DLGAP2: variants seen among roughly 807,000 people sequenced by gnomAD.
DLGAP2 encodes the protein disks large-associated protein 2.
A neutral mutation model predicts 100.3 loss-of-function variants in DLGAP2; 26 were observed. That is an observed-to-expected ratio of 0.26 (90% CI 0.19 to 0.36). The LOEUF (loss-of-function observed/expected upper bound fraction) is 0.36. Among genes scored for constraint, DLGAP2 ranks in the 10% least tolerant of loss-of-function variants. The probability of loss-of-function intolerance (pLI) is 1.00; values close to 1 mark genes in which losing one functional copy is unlikely to be tolerated. For missense variants in DLGAP2, 1,858 were observed against 1,453.2 expected (o/e 1.28, Z -4.53); for synonymous variants, 886 against 630.1 (o/e 1.41, Z -6.08).
At chr8:770,983 T>G (rs74892975) in intron 1 of DLGAP2, among the ~76,000 whole-genome samples, 4,769 of 152,152 alleles carry the variant, frequency 0.031, 121 homozygotes, top group South Asian at 0.076. Context: ...TTTAAAATAT[T>G]ACTGCTAGAT....
At chr8:757,074 C>T (rs989748319) in intron 1 of DLGAP2, among the ~76,000 whole-genome samples, 4 of 152,200 alleles carry the variant, frequency 2.6e-5, no homozygotes, top group Non-Finnish European at 5.9e-5. Flanking sequence ...GGCCTTTGCA[C>T]ATGCTGCACC....
intron 2 of DLGAP2, among the ~76,000 whole-genome samples, chr8:1,023,766 G>A (rs930689143): frequency 2.6e-5 from 4 of 151,926 alleles, no homozygotes; most frequent in Admixed American, 6.6e-5. Flanking sequence ...ATTCTGCAGC[G>A]AGATGGGGCA....
chr8:1,412,958 C>G (rs533893985), intron 3 of DLGAP2, among the ~76,000 whole-genome samples: 3 of 152,150 alleles, frequency 2.0e-5, no homozygotes, highest in Non-Finnish European at 4.4e-5. Flanking sequence ...CTCAAGTGTC[C>G]CCTCCTCCGT....
intron 3 of DLGAP2, among the ~76,000 whole-genome samples, chr8:1,274,329 G>A (rs1359788162): frequency 6.6e-6 from 1 of 152,130 alleles, no homozygotes; most frequent in Non-Finnish European, 1.5e-5. Flanking sequence ...AGACTCTCAT[G>A]TGAACGTGAA....
chr8:1,174,258 C>T (rs1397595358), intron 2 of DLGAP2, among the ~76,000 whole-genome samples: 1 of 151,910 alleles, frequency 6.6e-6, no homozygotes, highest in African/African-American at 2.4e-5. Context: ...ACCCACATAC[C>T]CATCACCACC....
At chr8:951,768 C>G (rs911768765) in intron 2 of DLGAP2, among the ~76,000 whole-genome samples, 5 of 152,222 alleles carry the variant, frequency 3.3e-5, no homozygotes, top group Non-Finnish European at 5.9e-5. Context: ...TTTCCTAGAT[C>G]AGATGAGTTT....
At chr8:749,483 T>A (rs1195483470) in intron 1 of DLGAP2, among the ~76,000 whole-genome samples, 1 of 152,238 alleles carries the variant, frequency 6.6e-6, no homozygotes, top group African/African-American at 2.4e-5. Flanking sequence ...TATATTCTTT[T>A]CTAAGAATTT....
chr8:1,438,273 A>C (rs1040697442), intron 3 of DLGAP2, among the ~76,000 whole-genome samples: 1 of 152,084 alleles, frequency 6.6e-6, no homozygotes, highest in Admixed American at 6.5e-5. Flanking sequence ...TCCTCCCCCA[A>C]CCATGTCATG....
At chr8:1,559,733 C>T (rs1413935428) in intron 5 of DLGAP2, among the ~76,000 whole-genome samples, 1 of 152,254 alleles carries the variant, frequency 6.6e-6, no homozygotes, top group African/African-American at 2.4e-5. Flanking sequence ...CTTCCATCTG[C>T]CACCAGCCAG....
At chr8:1,094,915 G>A (rs915865428) in intron 2 of DLGAP2, among the ~76,000 whole-genome samples, 5 of 152,218 alleles carry the variant, frequency 3.3e-5, no homozygotes, top group African/African-American at 1.2e-4. Flanking sequence ...TTTCCTGAGG[G>A]TTTAGTTTAA....
At chr8:1,121,690 TTTCC>T (rs1172376724) in intron 2 of DLGAP2, among the ~76,000 whole-genome samples, 1 of 82,212 alleles carries the variant, frequency 1.2e-5, no homozygotes, top group African/African-American at 3.2e-5. Flanking sequence ...CAACCTCATC[TTTCC>T]TGAACCCATG....
chr8:1,293,236 C>T (rs1185026994), intron 3 of DLGAP2, among the ~76,000 whole-genome samples: 1 of 152,212 alleles, frequency 6.6e-6, no homozygotes, highest in East Asian at 1.9e-4. Context: ...ACACATGGGC[C>T]CACATGCCCT....
chr8:853,348 C>T (rs1233207568), intron 1 of DLGAP2, among the ~76,000 whole-genome samples: 3 of 152,232 alleles, frequency 2.0e-5, no homozygotes, highest in Admixed American at 1.3e-4. Flanking sequence ...TGTGACCACG[C>T]ATGTCGTCCA....
intron 3 of DLGAP2, among the ~76,000 whole-genome samples, chr8:1,272,537 ATATC>A (rs1799603668): frequency 6.6e-6 from 1 of 152,156 alleles, no homozygotes; most frequent in Non-Finnish European, 1.5e-5. Flanking sequence ...CCATATAAAT[ATATC>A]TATATATCAT....
intron 3 of DLGAP2, among the ~76,000 whole-genome samples, chr8:1,318,102 G>A (rs1455614294): frequency 1.0e-4 from 9 of 88,578 alleles, no homozygotes; most frequent in Non-Finnish European, 1.4e-4. Flanking sequence ...CGAGTGCAGC[G>A]TCTCTCCAAC....
At chr8:1,667,420 G>A (rs866789351) in intron 8 of DLGAP2, among the ~76,000 whole-genome samples, 74 of 152,186 alleles carry the variant, frequency 4.9e-4, no homozygotes, top group African/African-American at 1.6e-3. Flanking sequence ...GGCTGGTGAC[G>A]GCCACAGGTG....
chr8:975,105 C>T (rs915903703), intron 2 of DLGAP2, among the ~76,000 whole-genome samples: 3 of 152,114 alleles, frequency 2.0e-5, no homozygotes, highest in African/African-American at 4.8e-5. Context: ...TAAAAGAATA[C>T]TATGAATAAC....
rs112238357 is a variant in DLGAP2 at position 926,199 on chromosome 8, C to T, written c.73+18233C>T. Among the ~76,000 whole-genome samples the T allele has an allele frequency of 2.9e-4, 44 of 152,294 alleles. 1 individual carries two copies. The highest frequency in any genetic ancestry group is 9.9e-4 in the African/African-American group (41 of 41,574). ...ACATGAAGCCGACTTCCAGAGCCCA[C>T]GCCCACCACTCCCTCCGTGGGCTCT... On this transcript the variant is annotated intron_variant, in intron 2 of 14. Coordinates refer to ENST00000637795, the MANE Select transcript of DLGAP2 (RefSeq NM_001346810.2).
intron 2 of DLGAP2, among the ~76,000 whole-genome samples, chr8:1,157,548 G>A (rs1020346394): frequency 4.7e-4 from 72 of 152,282 alleles, no homozygotes; most frequent in African/African-American, 1.5e-3. Context: ...GAACCAATCA[G>A]GCTGTGCTCT....
Sources: allele counts gnomAD v4.1 joint callset (sites outside exome capture counted in the v4.1 genomes callset), GRCh38; gene constraint gnomAD v4.1.1; transcripts MANE v1.5; gene names NCBI Gene and HGNC (gene_info 2026-07-23, HGNC 2026-07-21).